AMPD3: variants seen among roughly 807,000 people sequenced by gnomAD.
AMPD3 encodes adenosine monophosphate deaminase 3, also known as AMP deaminase 3.
Under a neutral mutation model 82.3 loss-of-function variants are expected in AMPD3, and 57 were observed. The ratio of observed to expected loss-of-function variants is 0.69; its 90% CI spans 0.56 to 0.86. AMPD3 has a LOEUF of 0.86. Ranked by LOEUF, AMPD3 falls within the 40% of genes least tolerant of loss-of-function variation. The probability of loss-of-function intolerance (pLI) is 0.00; values close to 1 mark genes in which losing one functional copy is unlikely to be tolerated. For synonymous variants in AMPD3, 381 were observed against 394.7 expected, an observed-to-expected ratio of 0.97 and a Z score of 0.41; for missense variants, 870 against 1,003.8, an observed-to-expected ratio of 0.87 and a Z score of 1.80.
chr11:10,462,715 G>A (rs1264163205), intron 2 of AMPD3, among the ~76,000 whole-genome samples: 1 of 152,086 alleles, frequency 6.6e-6, no homozygotes, highest in Non-Finnish European at 1.5e-5. Context: ...AGGATGAGAT[G>A]GGGTTAGGGG....
At chr11:10,468,401 A>G (rs977432190) in intron 2 of AMPD3, among the ~76,000 whole-genome samples, 2 of 152,248 alleles carry the variant, frequency 1.3e-5, no homozygotes, top group African/African-American at 2.4e-5. Context: ...CTTTAAACCA[A>G]CAAAGATCAA....
At position 10,507,549 on chromosome 11, in the gene AMPD3, A is replaced by G. The variant is rs1182124899; in HGVS notation, c.*1665A>G. 2.6e-5 allele frequency: 4 copies of G among 153,274 alleles called. No individual in the cohort carries two copies. The Admixed American group carries it at 2.6e-4, about 10-fold the overall frequency. 9.5% of individuals were successfully genotyped at this position (153,274 alleles called of 1,614,324 possible). A position where few individuals can be genotyped will look rare whatever the true frequency, so the allele number is the denominator to read the frequency against. ...TTATCTGTATCAAGTATCTTTTTTT[A>G]AATTGTTAAATAAAGTCAGCTAGGA... On this transcript the variant is annotated 3_prime_UTR_variant, in exon 15 of 15. Coordinates refer to ENST00000396553, the MANE Select transcript of AMPD3 (RefSeq NM_001025389.2).
intron 2 of AMPD3, chr11:10,478,302 A>G (rs2133876463): frequency 1.0e-6 from 1 of 985,426 alleles, no homozygotes; most frequent in Middle Eastern, 5.2e-4. Context: ...AGCCCTGAGC[A>G]GTGCATGGTG....
At chr11:10,467,567 G>C (rs1033681581) in intron 2 of AMPD3, among the ~76,000 whole-genome samples, 2 of 152,182 alleles carry the variant, frequency 1.3e-5, no homozygotes, top group Non-Finnish European at 2.9e-5. Context: ...GTGACGGGGA[G>C]AATCGAAACA....
intron 1 of AMPD3, among the ~76,000 whole-genome samples, chr11:10,457,375 T>C (rs1848128054): frequency 6.6e-6 from 1 of 152,128 alleles, no homozygotes; most frequent in Non-Finnish European, 1.5e-5. Context: ...TGTATGTTAA[T>C]GTTACTCTAT....
chr11:10,485,933 G>T (rs1183845068), intron 5 of AMPD3, among the ~76,000 whole-genome samples: 3 of 152,094 alleles, frequency 2.0e-5, no homozygotes, highest in Non-Finnish European at 4.4e-5. Flanking sequence ...GTGGGAGTCT[G>T]GGTGAGAGGA....
Position 10,456,348 on chromosome 11 carries a change from C to G in AMPD3, c.-6+900C>G. The G allele has an allele frequency of 6.2e-7, 1 of 1,613,474 alleles. No homozygotes were observed. On this transcript the variant is annotated intron_variant, in intron 1 of 14. Coordinates refer to ENST00000396553, the MANE Select transcript of AMPD3 (RefSeq NM_001025389.2). The surrounding 1 kb of genome is among the most constrained non-coding windows in gnomAD (Gnocchi z 4.3). ...CTCCTGGGTGGCAGGCAGCACCTCA[C>G]CCGGGTGCATCACTTGAGTGGCATC... is the stretch of plus-strand genomic sequence containing the variant.
chr11:10,496,845 C>G lies in AMPD3; in HGVS notation c.1464C>G (p.Asn488Lys). The change falls in exon 10 of 15, where the codon AAC (asparagine) becomes AAG (lysine). Residue 488 changes from asparagine (N) to lysine (K), a missense_variant. By Grantham distance (94) the Asn-to-Lys change is moderately conservative. Transcript: ENST00000396553. Reference protein sequence around the residue: ...DIFRSKKLLPNFGKMLENIFL... With the variant: ...DIFRSKKLLPKFGKMLENIFL... ...TTAGGTCAAAGAAGCTGCTGCCAAA[C>G]TTTGGGAAGATGCTGGAGAACATCT... 4 of 1,614,190 alleles carry G rather than the reference C, an allele frequency of 2.5e-6. No homozygotes were observed. Among genetic ancestry groups the G allele is most frequent in the South Asian group, 1.1e-5 (1 of 91,088 alleles).
At chr11:10,466,283 A>C (rs1052587329) in intron 2 of AMPD3, among the ~76,000 whole-genome samples, 59 of 152,022 alleles carry the variant, frequency 3.9e-4, no homozygotes, top group Middle Eastern at 3.4e-3. Flanking sequence ...AAAAAGATCC[A>C]CTGGCTCAAA....
intron 2 of AMPD3, among the ~76,000 whole-genome samples, chr11:10,476,447 C>T (rs1190059880): frequency 6.8e-6 from 1 of 146,102 alleles, no homozygotes; most frequent in African/African-American, 2.5e-5. Flanking sequence ...GGCAGCCTCC[C>T]AGCATTTGGG....
At chr11:10,493,564 G>A (rs1208461828) in intron 7 of AMPD3, 21 bp downstream of exon 7, 12 of 1,612,502 alleles carry the variant, frequency 7.4e-6, no homozygotes, top group South Asian at 1.1e-5. Flanking sequence ...TTCTGCTCCA[G>A]TGCCGCCAGC....
intron 13 of AMPD3, among the ~76,000 whole-genome samples, chr11:10,503,251 A>G (rs1006735757): frequency 6.6e-6 from 1 of 152,256 alleles, no homozygotes; most frequent in Non-Finnish European, 1.5e-5. Flanking sequence ...GTAAGGATTC[A>G]TGAAGATAAT....
At chr11:10,478,236 G>T in intron 2 of AMPD3, 1 of 985,390 alleles carries the variant, frequency 1.0e-6, no homozygotes, top group Non-Finnish European at 1.2e-6. Flanking sequence ...TCTGCCATTT[G>T]TCTCTCTGTC....
intron 6 of AMPD3, among the ~76,000 whole-genome samples, chr11:10,489,057 G>C (rs1301867451): frequency 2.6e-5 from 4 of 152,212 alleles, no homozygotes; most frequent in African/African-American, 9.6e-5. Context: ...GAGGCTTACA[G>C]AAGTGTTTTG....
intron 2 of AMPD3, 30 bp from the exon 3 acceptor site, chr11:10,478,496 C>G (rs771051208): frequency 1.9e-6 from 3 of 1,612,962 alleles, no homozygotes; most frequent in Non-Finnish European, 8.5e-7. Context: ...CTTCTGATGT[C>G]TCCCACTTTT....
Position 10,495,637 on chromosome 11 carries a change from G to A in AMPD3, c.1334G>A (p.Arg445His), listed in dbSNP as rs151145579. Residue 445 changes from arginine (R) to histidine (H), a missense_variant, in exon 9 of 15, where the codon CGC becomes CAC. Coordinates refer to ENST00000396553, the MANE Select transcript of AMPD3 (RefSeq NM_001025389.2). ...GAGCCACGGCTCTCCATCTACGGCC[G>A]CAGTCCTGAGGAGTGGCCCAACCTG... is the stretch of plus-strand genomic sequence containing the variant. Reference protein sequence around the residue: ...YSEPRLSIYGRSPEEWPNLAY... With the variant: ...YSEPRLSIYGHSPEEWPNLAY... 32 of 1,613,958 alleles carry A rather than the reference G, an allele frequency of 2.0e-5. No homozygotes were observed. Among genetic ancestry groups the A allele is most frequent in the African/African-American group, 5.3e-5 (4 of 75,020 alleles).
chr11:10,500,318 C>T, intron 11 of AMPD3, 69 bp downstream of exon 11: 2 of 1,554,942 alleles, frequency 1.3e-6, no homozygotes, highest in Non-Finnish European at 1.8e-6. Context: ...CACACACATG[C>T]ACACACACAT....
At chr11:10,485,315 T>A (rs972276680) in intron 5 of AMPD3, among the ~76,000 whole-genome samples, 1 of 152,122 alleles carries the variant, frequency 6.6e-6, no homozygotes, top group Admixed American at 6.5e-5. Context: ...GGTGCGATCT[T>A]GGTTCACTGC....
chr11:10,497,550 G>GACT, intron 10 of AMPD3: 1 of 984,668 alleles, frequency 1.0e-6, no homozygotes, highest in Non-Finnish European at 1.2e-6. Flanking sequence ...GGTGATGGAT[G>GACT]ACTTTCTACA....
Sources: allele counts gnomAD v4.1 joint callset (sites outside exome capture counted in the v4.1 genomes callset), GRCh38; gene constraint gnomAD v4.1.1; non-coding constraint Gnocchi (gnomAD v3.1); transcripts MANE v1.5; gene names NCBI Gene and HGNC (gene_info 2026-07-23, HGNC 2026-07-21).